PIGN: variants seen among roughly 807,000 people sequenced by gnomAD.
The protein encoded by PIGN is GPI ethanolamine phosphate transferase 1.
A neutral mutation model predicts 125.4 loss-of-function variants in PIGN; 117 were observed. The ratio of observed to expected loss-of-function variants is 0.93; its 90% confidence interval spans 0.80 to 1.09. The LOEUF (loss-of-function observed/expected upper bound fraction) is 1.09. Among genes scored for constraint, PIGN ranks in the 50% least tolerant of loss-of-function variants. The pLI is 0.00. For synonymous variants in PIGN, 392 were observed against 377.8 expected (o/e 1.04, Z -0.44); for missense variants, 1,075 against 1,094.9 (o/e 0.98, Z 0.26).
chr18:62,095,364 T>C (rs1430143228), intron 23 of PIGN, among the ~76,000 whole-genome samples: 1 of 152,158 alleles, frequency 6.6e-6, no homozygotes, highest in African/African-American at 2.4e-5. Context: ...GGCAAGAAAA[T>C]TTCAATCTTA....
intron 14 of PIGN, among the ~76,000 whole-genome samples, chr18:62,125,043 A>G (rs1388443027): frequency 6.9e-6 from 1 of 144,518 alleles, no homozygotes; most frequent in Admixed American, 6.8e-5. Context: ...ATATATAAAT[A>G]TACAATTTGT....
At chr18:62,094,848 G>C (rs1328315280) in intron 23 of PIGN, among the ~76,000 whole-genome samples, 1 of 152,068 alleles carries the variant, frequency 6.6e-6, no homozygotes, top group East Asian at 1.9e-4. Context: ...GACAGCTTTG[G>C]TGAAAAAAAG....
chr18:62,106,312 G>A (rs1437718079), intron 19 of PIGN, among the ~76,000 whole-genome samples: 2 of 151,960 alleles, frequency 1.3e-5, no homozygotes, highest in Non-Finnish European at 2.9e-5. Flanking sequence ...AATTCCCTAT[G>A]TAGCTGAAGG....
At chr18:62,052,122 C>G (rs545948812) in intron 30 of PIGN, 3 of 151,970 alleles carry the variant, frequency 2.0e-5, no homozygotes, top group Non-Finnish European at 4.4e-5. Flanking sequence ...TTACTTCCAA[C>G]TATGTGGTCA....
At chr18:62,071,696 G>A (rs1225571219) in intron 30 of PIGN, among the ~76,000 whole-genome samples, 5 of 151,498 alleles carry the variant, frequency 3.3e-5, no homozygotes, top group African/African-American at 1.2e-4. Flanking sequence ...GCTTGTTTGT[G>A]GTGATGCTGG....
At chr18:62,173,203 A>AT (rs879835077) in intron 1 of PIGN, among the ~76,000 whole-genome samples, 1 of 152,222 alleles carries the variant, frequency 6.6e-6, no homozygotes, top group Non-Finnish European at 1.5e-5. Context: ...CTATTCAGCC[A>AT]TTTATTAGGT....
At position 62,092,860 on chromosome 18, in the gene PIGN, T is replaced by C. The variant is rs190844124; in HGVS notation, c.2181-2282A>G. ...TTCTTTAAAGTTCAGTTCAACATCA[T>C]TGATGGCACTAACTCAGCTTTCCTA... On this transcript the variant is annotated intron_variant, in intron 23 of 30. Coordinates refer to ENST00000640252, the MANE Select transcript of PIGN (RefSeq NM_176787.5). 1.3e-4 allele frequency among the ~76,000 whole-genome samples: 20 copies of C among 152,258 alleles called. No homozygotes were observed. The East Asian group carries it at 1.3e-3, about 10-fold the overall frequency.
chr18:62,024,061 C>G (rs1420580763), intron 23 of PIGN, among the ~76,000 whole-genome samples: 1 of 152,094 alleles, frequency 6.6e-6, no homozygotes, highest in Non-Finnish European at 1.5e-5. Context: ...CAGAGGGCAG[C>G]TAAAAGTAGG....
intron 14 of PIGN, among the ~76,000 whole-genome samples, chr18:62,132,959 T>A (rs2035795198): frequency 6.6e-6 from 1 of 152,146 alleles, no homozygotes; most frequent in South Asian, 2.1e-4. Flanking sequence ...TGTCCCAAAC[T>A]TATGAGAGTT....
intron 23 of PIGN, among the ~76,000 whole-genome samples, chr18:62,028,130 T>C (rs1224738310): frequency 6.6e-6 from 1 of 152,178 alleles, no homozygotes; most frequent in Non-Finnish European, 1.5e-5. Flanking sequence ...CACTTCCAGC[T>C]CTTTCCCCTA....
rs573315861 is a variant in PIGN at position 62,073,656 on chromosome 18, T to C, written c.2620-931A>G. Among the ~76,000 whole-genome samples, 113 of 152,310 alleles carry C rather than the reference T, an allele frequency of 7.4e-4. 1 individual carries two copies. The highest frequency in any genetic ancestry group is 6.8e-3 in the Middle Eastern group (2 of 294). Reference sequence around the variant, plus strand: ...CATTATGTGTGGTCAGTTTCAGAAATACAATGAATAATGGTTCACCACCAC... The same window carrying C: ...CATTATGTGTGGTCAGTTTCAGAAACACAATGAATAATGGTTCACCACCAC... On this transcript the variant is annotated intron_variant, in intron 29 of 30. Transcript: ENST00000640252.
chr18:62,039,681 T>G (rs555083989), downstream of PIGN, among the ~76,000 whole-genome samples: 14 of 102,774 alleles, frequency 1.4e-4, no homozygotes, highest in East Asian at 5.3e-4. Flanking sequence ...TTAGGGCCCA[T>G]CCAGGGTGCC....
chr18:62,139,323 A>C (rs1035218545), intron 12 of PIGN, among the ~76,000 whole-genome samples: 1 of 152,248 alleles, frequency 6.6e-6, no homozygotes, highest in South Asian at 2.1e-4. Context: ...ATTGGCTGAG[A>C]GATAACTACG....
chr18:62,093,290 A>G (rs1158382096), intron 23 of PIGN, among the ~76,000 whole-genome samples: 1 of 152,118 alleles, frequency 6.6e-6, no homozygotes, highest in Non-Finnish European at 1.5e-5. Flanking sequence ...CTTTTGTAAA[A>G]TGGAGATGAA....
intron 23 of PIGN, among the ~76,000 whole-genome samples, chr18:62,020,154 C>T (rs563879100): frequency 5.9e-5 from 9 of 152,314 alleles, no homozygotes; most frequent in Middle Eastern, 3.4e-3. Flanking sequence ...GTTGAACTAC[C>T]GGAGCCTGAA....
intron 28 of PIGN, among the ~76,000 whole-genome samples, chr18:62,080,028 T>C (rs2033371634): frequency 1.3e-5 from 2 of 152,070 alleles, no homozygotes; most frequent in Admixed American, 1.3e-4. Context: ...CAGAACAAAA[T>C]GGTATATTCA....
intron 29 of PIGN, 77 bp downstream of exon 29, chr18:62,074,702 T>C (rs1294077921): frequency 3.8e-5 from 33 of 866,106 alleles, no homozygotes; most frequent in Non-Finnish European, 5.5e-6. Context: ...CGTACCAAAA[T>C]GCATTCATAT....
At chr18:62,034,266 C>A (rs978523956) in intron 23 of PIGN, among the ~76,000 whole-genome samples, 7 of 152,198 alleles carry the variant, frequency 4.6e-5, no homozygotes, top group African/African-American at 1.4e-4. Context: ...ATAAGTGAGA[C>A]GTGGTCTCAC....
At chr18:62,150,577 G>T (rs1254405033) in intron 7 of PIGN, among the ~76,000 whole-genome samples, 1 of 152,158 alleles carries the variant, frequency 6.6e-6, no homozygotes, top group African/African-American at 2.4e-5. Context: ...ATCACAAAAA[G>T]ACATAGACTG....
Sources: allele counts gnomAD v4.1 joint callset (sites outside exome capture counted in the v4.1 genomes callset), GRCh38; gene constraint gnomAD v4.1.1; transcripts MANE v1.5; gene names NCBI Gene and HGNC (gene_info 2026-07-23, HGNC 2026-07-21).